Variants in CMSS1 observed in about 807,000 individuals in gnomAD.
The protein encoded by CMSS1 is cms1 ribosomal small subunit homolog.
A neutral mutation model predicts 43.5 loss-of-function variants in CMSS1; 33 were observed. The ratio of observed to expected loss-of-function variants is 0.76; its 90% CI spans 0.57 to 1.01. The LOEUF is 1.01. Ranked by LOEUF, CMSS1 falls within the 50% of genes least tolerant of loss-of-function variation. The pLI is 0.00. For synonymous variants in CMSS1, 115 were observed against 117.2 expected (o/e 0.98, Z 0.12); for missense variants, 313 against 326.4 (o/e 0.96, Z 0.32).
At chr3:99,892,489 A>AG (rs1426436454) in intron 1 of CMSS1, among the ~76,000 whole-genome samples, 1 of 152,184 alleles carries the variant, frequency 6.6e-6, no homozygotes. Context: ...CAAAAAATCC[A>AG]GCCTTGTGGC....
chr3:100,082,972 G>T (rs2065954754), intron 1 of CMSS1, among the ~76,000 whole-genome samples: 1 of 152,120 alleles, frequency 6.6e-6, no homozygotes, highest in South Asian at 2.1e-4. Flanking sequence ...TGCCCTTGTG[G>T]TTTTATTTAA....
At chr3:100,014,644 A>T (rs1011555627) in intron 1 of CMSS1, among the ~76,000 whole-genome samples, 3 of 152,006 alleles carry the variant, frequency 2.0e-5, no homozygotes, top group African/African-American at 7.2e-5. Flanking sequence ...TCTTCTTTTG[A>T]GAAATGTCTT....
rs528050389 is a variant in CMSS1 at position 99,925,022 on chromosome 3, A to G, written c.64+106979A>G. 6.6e-4 allele frequency among the ~76,000 whole-genome samples: 100 copies of G among 152,282 alleles called. 1 individual carries two copies. Among genetic ancestry groups the G allele is most frequent in the Admixed American group, 2.6e-3 (40 of 15,292 alleles). On this transcript the variant is annotated intron_variant, in intron 1 of 9. Coordinates refer to ENST00000421999, the MANE Select transcript of CMSS1 (RefSeq NM_032359.4). ...GTCTCTCTCCTGAGAAGCTACATTAAAGAAATGACAGGAAGTAAGAGAATC... is the reference window on the plus strand; with the variant it reads ...GTCTCTCTCCTGAGAAGCTACATTAGAGAAATGACAGGAAGTAAGAGAATC...
intron 1 of CMSS1, among the ~76,000 whole-genome samples, chr3:99,951,412 A>G (rs1708173162): frequency 6.6e-6 from 1 of 152,122 alleles, no homozygotes; most frequent in Admixed American, 6.5e-5. Context: ...TGCGCATAGT[A>G]TGTACTCTGT....
intron 1 of CMSS1, among the ~76,000 whole-genome samples, chr3:99,826,374 G>T (rs966124653): frequency 6.6e-6 from 1 of 152,122 alleles, no homozygotes; most frequent in Non-Finnish European, 1.5e-5. Flanking sequence ...GGTTGTGTGG[G>T]TCCAGTCATC....
chr3:99,848,712 C>A (rs1201622518), intron 1 of CMSS1: 4 of 1,614,140 alleles, frequency 2.5e-6, no homozygotes, highest in Non-Finnish European at 3.4e-6. Context: ...AACCACAAGA[C>A]TCTGGGGTCT....
chr3:100,035,099 A>G (rs540895414), intron 1 of CMSS1, among the ~76,000 whole-genome samples: 3 of 152,296 alleles, frequency 2.0e-5, no homozygotes, highest in African/African-American at 7.2e-5. Context: ...ATAAATGTAT[A>G]TTCGAAATTG....
intron 1 of CMSS1, among the ~76,000 whole-genome samples, chr3:100,026,221 T>G (rs1290631219): frequency 1.3e-5 from 2 of 152,108 alleles, no homozygotes; most frequent in African/African-American, 4.8e-5. Flanking sequence ...TTAAAATACT[T>G]TGTCAAAAAT....
intron 1 of CMSS1, among the ~76,000 whole-genome samples, chr3:100,037,956 TGGG>T (rs1313968492): frequency 3.4e-5 from 3 of 87,814 alleles, no homozygotes; most frequent in South Asian, 3.8e-4. Flanking sequence ...TTTTTTTTTT[TGGG>T]GGGGGAGGGA....
Position 99,843,389 on chromosome 3 carries a change from AAAG to A in CMSS1, c.64+25349_64+25351del, listed in dbSNP as rs147574087. ...TTTATTGAGCTTTCCTTTTAAATAAAAAGAAAACTTGGAGAATAAACCTTCTGT... is the reference window on the plus strand; with the variant it reads ...TTTATTGAGCTTTCCTTTTAAATAAAAAAACTTGGAGAATAAACCTTCTGT... On this transcript the variant is annotated intron_variant, in intron 1 of 9. Coordinates refer to ENST00000421999, the MANE Select transcript of CMSS1 (RefSeq NM_032359.4). Among the ~76,000 whole-genome samples, 761 of 152,316 alleles carry A rather than the reference AAAG, an allele frequency of 5.0e-3. 6 individuals carry two copies. Among genetic ancestry groups the A allele is most frequent in the African/African-American group, 0.017 (718 of 41,578 alleles).
At chr3:100,123,068 G>A (rs1010286411) in intron 1 of CMSS1, among the ~76,000 whole-genome samples, 1 of 152,128 alleles carries the variant, frequency 6.6e-6, no homozygotes, top group Non-Finnish European at 1.5e-5. Flanking sequence ...AAAGTCTATG[G>A]GAAGGATCAA....
At chr3:100,090,596 C>T (rs112768880) in intron 1 of CMSS1, among the ~76,000 whole-genome samples, 5 of 152,318 alleles carry the variant, frequency 3.3e-5, no homozygotes, top group African/African-American at 1.2e-4. Context: ...GCAACACTAG[C>T]CTCTGCCTTT....
intron 1 of CMSS1, chr3:99,848,442 C>T: frequency 6.2e-7 from 1 of 1,614,150 alleles, no homozygotes; most frequent in Non-Finnish European, 8.5e-7. Flanking sequence ...TGGCAGGTCT[C>T]ACAGGGCTGG....
At chr3:100,063,511 T>C (rs1220592324) in intron 1 of CMSS1, among the ~76,000 whole-genome samples, 2 of 152,190 alleles carry the variant, frequency 1.3e-5, no homozygotes, top group Non-Finnish European at 2.9e-5. Flanking sequence ...AGAAAAACTT[T>C]ATAAATCAAA....
intron 1 of CMSS1, among the ~76,000 whole-genome samples, chr3:99,838,145 TG>T (rs1484564477): frequency 1.3e-5 from 2 of 152,234 alleles, no homozygotes; most frequent in Admixed American, 1.3e-4. Context: ...TAGGATAAAG[TG>T]GACACTGACT....
intron 1 of CMSS1, among the ~76,000 whole-genome samples, chr3:99,903,541 C>T (rs1413821464): frequency 2.6e-5 from 4 of 152,080 alleles, no homozygotes; most frequent in South Asian, 2.1e-4. Context: ...TGAGCCACCG[C>T]GCCCGGCCAT....
At chr3:99,958,203 CATTATTATTATTATTATT>C (rs71688408) in intron 1 of CMSS1, among the ~76,000 whole-genome samples, 187 of 132,708 alleles carry the variant, frequency 1.4e-3, no homozygotes, top group South Asian at 4.3e-3. Flanking sequence ...GCCCTGCATG[CATTATTATTATTATTATT>C]ATTATTATTA....
intron 1 of CMSS1, among the ~76,000 whole-genome samples, chr3:100,110,925 T>G (rs2066479947): frequency 6.6e-6 from 1 of 152,190 alleles, no homozygotes; most frequent in Non-Finnish European, 1.5e-5. Flanking sequence ...TCCATTTGTA[T>G]TTTGCATGTA....
chr3:100,017,357 G>T (rs1192676661), intron 1 of CMSS1, among the ~76,000 whole-genome samples: 1 of 152,152 alleles, frequency 6.6e-6, no homozygotes, highest in Non-Finnish European at 1.5e-5. Flanking sequence ...ACCTCCTGAT[G>T]ACCATGCTAA....
Sources: allele counts gnomAD v4.1 joint callset (sites outside exome capture counted in the v4.1 genomes callset), GRCh38; gene constraint gnomAD v4.1.1; transcripts MANE v1.5; gene names NCBI Gene and HGNC (gene_info 2026-07-23, HGNC 2026-07-21).